The following FATE1 variants were observed in gnomAD, a reference collection of about 807,000 sequenced individuals.
The protein encoded by FATE1 is fetal and adult testis-expressed transcript protein.
A neutral mutation model predicts 16.0 loss-of-function variants in FATE1; 18 were observed. That is an observed-to-expected ratio of 1.12 (90% CI 0.78 to 1.66). The LOEUF is 1.66. Among genes scored for constraint, FATE1 ranks in the 40% most tolerant of loss-of-function variants. FATE1 has a pLI of 0.00. For synonymous variants in FATE1, 76 were observed against 56.9 expected (o/e 1.34, Z -1.51); for missense variants, 169 against 152.7 (o/e 1.11, Z -0.56).
rs946930754 is a variant in FATE1 at position 151,716,108 on chromosome X, C to G, written c.-12C>G. On this transcript the variant is annotated 5_prime_UTR_variant, in exon 1 of 5. Transcript: ENST00000370350. ...TCCTTAGCCATAGCTTACAAGAGAA[C>G]AGCTGGTTGTGATGGCAGGAGGCCC... 3 of 1,158,735 alleles carry G rather than the reference C, an allele frequency of 2.6e-6. No homozygotes were observed. The highest frequency in any genetic ancestry group is 3.5e-6 in the Non-Finnish European group (3 of 866,091).
rs771885765 is a variant in FATE1, at chrX:151,722,779, G to A, written c.*20G>A. On this transcript the variant is annotated 3_prime_UTR_variant, in exon 5 of 5. Transcript: ENST00000370350. ...CAGTGATCGCCCCAGCGCGGCCTCC[G>A]TATTGGAGCCCTCCCTGCTTCCCCT... 1.3e-5 allele frequency: 15 copies of A among 1,187,990 alleles called. No individual in the cohort carries two copies. Among genetic ancestry groups the A allele is most frequent in the South Asian group, 1.9e-5 (1 of 53,428 alleles).
Position 151,722,913 on chromosome X carries a change from G to GTA in FATE1, c.*154_*155insTA, listed in dbSNP as rs2015131640. ...CAACTCTGGTTAGGCCTCCTACCTG[G>GTA]GGAGGCCAGGTCACTGCACTGGGAG... On this transcript the variant is annotated 3_prime_UTR_variant, in exon 5 of 5. Coordinates refer to ENST00000370350, the MANE Select transcript of FATE1 (RefSeq NM_033085.3). 2.8e-6 allele frequency: 2 copies of GTA among 708,830 alleles called. No homozygotes were observed. Among genetic ancestry groups the GTA allele is most frequent in the Non-Finnish European group, 4.0e-6 (2 of 498,198 alleles). 58.4% of individuals were successfully genotyped at this position (708,830 alleles called of 1,213,427 possible).
At chrX:151,718,852 C>T (rs1365238982) in intron 2 of FATE1, among the ~76,000 whole-genome samples, 1 of 111,230 alleles carries the variant, frequency 9.0e-6, no homozygotes, top group Non-Finnish European at 1.9e-5. Flanking sequence ...TACTGGGGGG[C>T]AATAAGGTTG....
chrX:151,721,823 C>G (rs112449105), intron 3 of FATE1, 80 bp from the exon 4 acceptor site: 9 of 885,768 alleles, frequency 1.0e-5, no homozygotes, highest in Non-Finnish European at 1.5e-5. Context: ...ACGACCTTAC[C>G]TGCTTGACCT....
At chrX:151,717,478 G>T in intron 2 of FATE1, 79 bp downstream of exon 2, 1 of 1,062,630 alleles carries the variant, frequency 9.4e-7, no homozygotes, top group Non-Finnish European at 1.3e-6. Flanking sequence ...GCCTGACCAG[G>T]TCAGGCAGGG....
chrX:151,722,845 C>T lies in FATE1; in HGVS notation c.*86C>T, dbSNP rs1038933549. On this transcript the variant is annotated 3_prime_UTR_variant, in exon 5 of 5. Coordinates refer to ENST00000370350, the MANE Select transcript of FATE1 (RefSeq NM_033085.3). ...TCCCCAGGCCGCCACTGCCCTTGCC[C>T]CTTTCATCTCCCAGCAGCCCTCAGG... The T allele has an allele frequency of 5.6e-6, 6 of 1,074,081 alleles. No individual in the cohort carries two copies. The African/African-American group carries it at 7.4e-5, about 13-fold the overall frequency. The allele number at this position is 1,074,081 out of a possible 1,213,427, so 88.5% of individuals were successfully genotyped here.
intron 2 of FATE1, among the ~76,000 whole-genome samples, chrX:151,717,964 T>C (rs2015076429): frequency 9.0e-6 from 1 of 110,896 alleles, no homozygotes; most frequent in Admixed American, 9.6e-5. Context: ...CACATGCCTG[T>C]AATCCCAGCT....
chrX:151,716,712 T>C (rs2015064140), intron 1 of FATE1, among the ~76,000 whole-genome samples: 1 of 111,875 alleles, frequency 8.9e-6, no homozygotes, highest in Non-Finnish European at 1.9e-5. Flanking sequence ...TTTATGTTTG[T>C]TCTTACGATG....
Position 151,721,883 on chromosome X carries a change from C to A in FATE1, c.342-20C>A. ...AGGGACCACCAGCAGCTTTGACCAT[C>A]TGTCTTTTTTCTCTCCCAGCAACCC... On this transcript the variant is annotated intron_variant, in intron 3 of 4. Coordinates refer to ENST00000370350, the MANE Select transcript of FATE1 (RefSeq NM_033085.3). 1 of 1,206,116 alleles carries A rather than the reference C, an allele frequency of 8.3e-7. No homozygotes were observed. Among genetic ancestry groups the A allele is most frequent in the South Asian group, 1.8e-5 (1 of 56,672 alleles).
intron 4 of FATE1, among the ~76,000 whole-genome samples, 168 bp downstream of exon 4, chrX:151,722,149 C>T (rs894199197): frequency 3.6e-5 from 4 of 110,818 alleles, no homozygotes; most frequent in South Asian, 3.9e-4. Flanking sequence ...TCTGACACCC[C>T]GCATAGATGT....
chrX:151,721,315 C>T, intron 2 of FATE1, 80 bp from the exon 3 acceptor site: 2 of 840,589 alleles, frequency 2.4e-6, no homozygotes, highest in South Asian at 4.3e-5. Flanking sequence ...CCATGGGGTG[C>T]ACCATTGGCT....
Position 151,718,083 on chromosome X carries a change from CAAGA to C in FATE1, c.234+701_234+704del, listed in dbSNP as rs200737927. Among the ~76,000 whole-genome samples the C allele has an allele frequency of 2.1e-3, 187 of 88,545 alleles. 2 individuals are homozygous for C. Among genetic ancestry groups the C allele is most frequent in the Non-Finnish European group, 3.0e-3 (143 of 47,225 alleles). The allele number at this position is 88,545 out of a possible 115,157, so 76.9% of individuals were successfully genotyped here. A position where few individuals can be genotyped will look rare whatever the true frequency, so the allele number is the denominator to read the frequency against. ...CCTGGGCAACAGAGTGAGACTCTGTCAAGAAAGAAAGAAAGAAAGAGAGAGAGAG... is the reference window on the plus strand; with the variant it reads ...CCTGGGCAACAGAGTGAGACTCTGTCAAGAAAGAAAGAAAGAGAGAGAGAG... On this transcript the variant is annotated intron_variant, in intron 2 of 4. Transcript: ENST00000370350.
In FATE1 at chrX:151,717,295, T is replaced by G; in HGVS notation, c.130T>G (p.Ser44Ala). 1 of 1,207,293 alleles carries G rather than the reference T, an allele frequency of 8.3e-7. No individual in the cohort carries two copies. The highest frequency in any genetic ancestry group is 1.8e-5 in the South Asian group (1 of 56,846). The change falls in exon 2 of 5, where the codon TCC (serine) becomes GCC (alanine). Residue 44 changes from serine to alanine, a missense_variant. Physicochemically the swap from Ser to Ala is moderately conservative, Grantham distance 99. Transcript: ENST00000370350. Reference sequence around the variant, plus strand: ...AGAAATGATGGAGCTTGGATCTCGGTCCCGGGGTGCCTCCCAGAAGAAGCA... The same window carrying G: ...AGAAATGATGGAGCTTGGATCTCGGGCCCGGGGTGCCTCCCAGAAGAAGCA... ...IAEMMELGSR[S>A]RGASQKKQKL... is the part of the protein sequence containing the mutation.
chrX:151,717,314 A>G lies in FATE1; in HGVS notation c.149A>G (p.Lys50Arg). Reference protein sequence around the residue: ...LGSRSRGASQKKQKLEQKAAG... With the variant: ...LGSRSRGASQRKQKLEQKAAG... ...TCTCGGTCCCGGGGTGCCTCCCAGAAGAAGCAGAAGTTGGAACAAAAAGCT... is the reference window on the plus strand; with the variant it reads ...TCTCGGTCCCGGGGTGCCTCCCAGAGGAAGCAGAAGTTGGAACAAAAAGCT... Residue 50 changes from lysine (K) to arginine (R), a missense_variant, in exon 2 of 5, where the codon AAG (lysine) becomes AGG (arginine). Physicochemically the swap from Lys to Arg is conservative, Grantham distance 26. Coordinates refer to ENST00000370350, the MANE Select transcript of FATE1 (RefSeq NM_033085.3). The G allele has an allele frequency of 8.3e-7, 1 of 1,208,863 alleles. No homozygotes were observed. Among genetic ancestry groups the G allele is most frequent in the Non-Finnish European group, 1.1e-6 (1 of 893,578 alleles).
intron 2 of FATE1, 69 bp downstream of exon 2, chrX:151,717,468 G>A (rs2015071458): frequency 9.1e-7 from 1 of 1,099,759 alleles, no homozygotes; most frequent in Admixed American, 2.4e-5. Context: ...AGGGGCTCTA[G>A]CCTGACCAGG....
At chrX:151,720,639 G>A (rs1373699316) in intron 2 of FATE1, among the ~76,000 whole-genome samples, 1 of 112,222 alleles carries the variant, frequency 8.9e-6, no homozygotes, top group African/African-American at 3.2e-5. Flanking sequence ...GGGCTGTGAC[G>A]AGGAATCAGT....
intron 1 of FATE1, 124 bp downstream of exon 1, chrX:151,716,349 G>A (rs184795600): frequency 1.8e-6 from 1 of 564,369 alleles, no homozygotes. Context: ...CTGTGTGTTG[G>A]CCGGGCTTCG....
intron 2 of FATE1, among the ~76,000 whole-genome samples, chrX:151,718,363 G>A (rs2015085713): frequency 8.9e-6 from 1 of 112,320 alleles, no homozygotes; most frequent in South Asian, 3.7e-4. Flanking sequence ...ACAAATAGTG[G>A]CTATAATGTT....
chrX:151,721,349 CAT>C, intron 2 of FATE1, 44 bp from the exon 3 acceptor site: 2 of 1,122,227 alleles, frequency 1.8e-6, no homozygotes, highest in South Asian at 3.7e-5. Flanking sequence ...AGAAGCCACT[CAT>C]GTGGGGTTGG....
Sources: allele counts gnomAD v4.1 joint callset (sites outside exome capture counted in the v4.1 genomes callset), GRCh38; gene constraint gnomAD v4.1.1; transcripts MANE v1.5; gene names NCBI Gene and HGNC (gene_info 2026-07-23, HGNC 2026-07-21).